Variants in IL1RAPL1 observed in about 807,000 individuals in gnomAD.
The protein encoded by IL1RAPL1 is interleukin-1 receptor accessory protein-like 1.
A neutral mutation model predicts 48.4 loss-of-function variants in IL1RAPL1; 3 were observed. That is an observed-to-expected ratio of 0.06 (90% CI 0.03 to 0.16). IL1RAPL1 has a LOEUF of 0.16. Among genes scored for constraint, IL1RAPL1 ranks in the 10% least tolerant of loss-of-function variants. The pLI, the probability that IL1RAPL1 is intolerant of heterozygous loss-of-function variation, is 1.00. For missense variants in IL1RAPL1, 349 were observed against 530.6 expected (o/e 0.66, Z 3.36); for synonymous variants, 185 against 187.7 (o/e 0.99, Z 0.12).
rs758520190 is a variant in IL1RAPL1 at position 29,026,167 on chromosome X, C to T, written c.82+236742C>T. Among the ~76,000 whole-genome samples, 5 of 111,758 alleles carry T rather than the reference C, an allele frequency of 4.5e-5. No individual in the cohort carries two copies. The East Asian group carries it at 1.4e-3, about 31-fold the overall frequency. On this transcript the variant is annotated intron_variant, in intron 2 of 10. Coordinates refer to ENST00000378993, the MANE Select transcript of IL1RAPL1 (RefSeq NM_014271.4). ...TATCCTGGATGCTTTTACATCCTCT[C>T]TCGTGTTTTTATTTGAAACCAACTC...
intron 2 of IL1RAPL1, among the ~76,000 whole-genome samples, chrX:29,160,466 G>A (rs1929659925): frequency 1.8e-5 from 2 of 111,498 alleles, no homozygotes; most frequent in Admixed American, 9.6e-5. Flanking sequence ...TTACTAAAAC[G>A]ATAGTAATAA....
At chrX:29,403,708 A>G (rs1476480467) in intron 5 of IL1RAPL1, among the ~76,000 whole-genome samples, 2 of 111,909 alleles carry the variant, frequency 1.8e-5, no homozygotes, top group East Asian at 5.6e-4. Flanking sequence ...ATTTATTACC[A>G]TATGGATCAT....
rs770512414 is a variant in IL1RAPL1 at position 28,840,715 on chromosome X, T to G, written c.82+51290T>G. Among the ~76,000 whole-genome samples the G allele has an allele frequency of 2.7e-5, 3 of 111,024 alleles. No individual in the cohort carries two copies. The East Asian group carries it at 8.5e-4, about 31-fold the overall frequency. Reference sequence around the variant, plus strand: ...AGTTATAAGATGGTTGGACTTTATCTCTTTATTCTATGTCTTAAAAGACTT... The same window carrying G: ...AGTTATAAGATGGTTGGACTTTATCGCTTTATTCTATGTCTTAAAAGACTT... On this transcript the variant is annotated intron_variant, in intron 2 of 10. Transcript: ENST00000378993.
chrX:29,487,776 A>C (rs1238751706), intron 5 of IL1RAPL1, among the ~76,000 whole-genome samples: 2 of 111,908 alleles, frequency 1.8e-5, no homozygotes, highest in East Asian at 2.8e-4. Flanking sequence ...AAAAGGCATA[A>C]AAAATCCAAT....
chrX:29,442,148 G>A (rs868222971), intron 5 of IL1RAPL1, among the ~76,000 whole-genome samples: 1 of 111,767 alleles, frequency 8.9e-6, no homozygotes, highest in Non-Finnish European at 1.9e-5. Context: ...CACACTGCCT[G>A]ATTTCAAACT....
intron 3 of IL1RAPL1, among the ~76,000 whole-genome samples, chrX:29,306,725 G>T (rs1439047072): frequency 9.6e-6 from 1 of 104,315 alleles, no homozygotes; most frequent in Non-Finnish European, 2.0e-5. Flanking sequence ...GCTGGGCGTT[G>T]TGGTGCACGC....
intron 1 of IL1RAPL1, among the ~76,000 whole-genome samples, chrX:28,696,201 A>G (rs1384448896): frequency 1.8e-5 from 2 of 110,589 alleles, no homozygotes; most frequent in Non-Finnish European, 3.8e-5. Flanking sequence ...TTCCCTCTTG[A>G]TGCAAACCAG....
chrX:29,588,157 A>C (rs1923245549), intron 5 of IL1RAPL1, among the ~76,000 whole-genome samples: 2 of 112,508 alleles, frequency 1.8e-5, no homozygotes, highest in South Asian at 7.3e-4. Flanking sequence ...ACCTAACATA[A>C]ACATGATTCT....
chrX:29,417,726 G>A (rs1934235002), intron 5 of IL1RAPL1, among the ~76,000 whole-genome samples: 2 of 111,261 alleles, frequency 1.8e-5, no homozygotes, highest in Non-Finnish European at 3.8e-5. Flanking sequence ...AAACAGAAAT[G>A]CTGTATATAG....
intron 1 of IL1RAPL1, among the ~76,000 whole-genome samples, chrX:28,671,062 T>C (rs974452337): frequency 1.8e-5 from 2 of 112,059 alleles, no homozygotes; most frequent in Admixed American, 9.5e-5. Flanking sequence ...CTCAAGTCTT[T>C]CAAAAGGACT....
At chrX:28,940,560 G>T (rs974233585) in intron 2 of IL1RAPL1, among the ~76,000 whole-genome samples, 43 of 110,831 alleles carry the variant, frequency 3.9e-4, no homozygotes, top group Non-Finnish European at 7.2e-4. Context: ...CTTTCTAGAA[G>T]TTTTAGAAGA....
Position 28,910,694 on chromosome X carries a change from A to C in IL1RAPL1, c.82+121269A>C, listed in dbSNP as rs1923338830. Among the ~76,000 whole-genome samples the C allele has an allele frequency of 5.5e-5, 6 of 109,703 alleles. No homozygotes were observed. The South Asian group carries it at 2.3e-3, about 43-fold the overall frequency. On this transcript the variant is annotated intron_variant, in intron 2 of 10. Coordinates refer to ENST00000378993, the MANE Select transcript of IL1RAPL1 (RefSeq NM_014271.4). ...CTAAGATAGATGACTAATATAGATA[A>C]TGGTTGCTGCTTAAGTGTGCTTATG...
At chrX:29,410,718 T>C (rs1489144421) in intron 5 of IL1RAPL1, among the ~76,000 whole-genome samples, 3 of 111,747 alleles carry the variant, frequency 2.7e-5, no homozygotes, top group Non-Finnish European at 5.6e-5. Flanking sequence ...AATGTTCTTT[T>C]TTAAAAAAAG....
intron 6 of IL1RAPL1, among the ~76,000 whole-genome samples, chrX:29,853,506 G>T (rs985556013): frequency 1.8e-5 from 2 of 110,312 alleles, no homozygotes; most frequent in Admixed American, 1.9e-4. Flanking sequence ...CAAAAGCCCT[G>T]TCTCTCCTTA....
At chrX:28,913,209 A>G (rs1001509314) in intron 2 of IL1RAPL1, among the ~76,000 whole-genome samples, 1 of 111,614 alleles carries the variant, frequency 9.0e-6, no homozygotes, top group African/African-American at 3.3e-5. Flanking sequence ...ATCATTGGGT[A>G]TTTTGGAGAT....
chrX:28,900,096 A>G (rs763394862), intron 2 of IL1RAPL1, among the ~76,000 whole-genome samples: 42 of 112,187 alleles, frequency 3.7e-4, no homozygotes, highest in Non-Finnish European at 7.0e-4. Context: ...TCCGATTGGA[A>G]CACAGGCAGT....
chrX:29,331,694 T>G (rs2147634028), intron 3 of IL1RAPL1, among the ~76,000 whole-genome samples: 1 of 112,345 alleles, frequency 8.9e-6, no homozygotes, highest in Non-Finnish European at 1.9e-5. Flanking sequence ...TTTTAACATC[T>G]TATTCTGTAT....
At chrX:29,749,848 TCTAA>T (rs756531419) in intron 6 of IL1RAPL1, among the ~76,000 whole-genome samples, 28 of 112,354 alleles carry the variant, frequency 2.5e-4, no homozygotes, top group Non-Finnish European at 4.1e-4. Context: ...GAGTGTTCCT[TCTAA>T]CTGTTTTATG....
chrX:29,745,116 C>T (rs1928299203), intron 6 of IL1RAPL1, among the ~76,000 whole-genome samples: 1 of 111,671 alleles, frequency 9.0e-6, no homozygotes, highest in Non-Finnish European at 1.9e-5. Flanking sequence ...ATCTTAACAG[C>T]ATAGGGTAAG....
Sources: allele counts gnomAD v4.1 joint callset (sites outside exome capture counted in the v4.1 genomes callset), GRCh38; gene constraint gnomAD v4.1.1; transcripts MANE v1.5; gene names NCBI Gene and HGNC (gene_info 2026-07-23, HGNC 2026-07-21).